Variants in OLFM3 observed in about 807,000 individuals in gnomAD.
OLFM3 encodes noelin-3.
OLFM3 carries 20 observed loss-of-function variants against 48.6 expected under a neutral mutation model. That is an observed-to-expected ratio of 0.41 (90% CI 0.29 to 0.60). The LOEUF (loss-of-function observed/expected upper bound fraction) is 0.60. OLFM3 is among the 20% of genes least tolerant of loss of function. The pLI is 0.28. For synonymous variants in OLFM3, 222 were observed against 198.1 expected, an observed-to-expected ratio of 1.12 and a Z score of -1.01; for missense variants, 437 against 544.3, an observed-to-expected ratio of 0.80 and a Z score of 1.96.
At chr1:101,868,232 G>C (rs776493785) in intron 1 of OLFM3, among the ~76,000 whole-genome samples, 6 of 152,194 alleles carry the variant, frequency 3.9e-5, no homozygotes, top group Non-Finnish European at 7.3e-5. Flanking sequence ...TTGGGTAACA[G>C]CCAGAAGTTG....
chr1:101,837,696 G>C (rs1045297486), intron 1 of OLFM3: 1 of 152,184 alleles, frequency 6.6e-6, no homozygotes, highest in African/African-American at 2.4e-5. Context: ...TGGTATTCCA[G>C]TTCTACTGTA....
rs191880992 is a variant in OLFM3 at position 101,810,459 on chromosome 1, C to G, written c.593-4277G>C. ...GGAGACTACTGCTTTTTATTCTAAG[C>G]ATACAATTTTCCAGCTACACGCATA... On this transcript the variant is annotated intron_variant, in intron 4 of 5. Coordinates refer to ENST00000370103, the MANE Select transcript of OLFM3 (RefSeq NM_058170.4). 2.4e-3 allele frequency among the ~76,000 whole-genome samples: 358 copies of G among 152,068 alleles called. 4 individuals carry two copies. The highest frequency in any genetic ancestry group is 3.8e-3 in the Non-Finnish European group (255 of 67,924).
chr1:101,811,959 G>T (rs1009871745), intron 4 of OLFM3, among the ~76,000 whole-genome samples: 4 of 152,208 alleles, frequency 2.6e-5, no homozygotes, highest in South Asian at 2.1e-4. Flanking sequence ...ATGATAGACT[G>T]GATTAAGCAA....
intron 1 of OLFM3, among the ~76,000 whole-genome samples, chr1:101,888,163 T>C (rs1235810508): frequency 6.6e-6 from 1 of 152,082 alleles, no homozygotes; most frequent in Non-Finnish European, 1.5e-5. Context: ...AAAGTTCATA[T>C]AGAACCAAAA....
At chr1:101,949,128 C>G (rs925099435) in intron 1 of OLFM3, among the ~76,000 whole-genome samples, 1 of 152,000 alleles carries the variant, frequency 6.6e-6, no homozygotes, top group Non-Finnish European at 1.5e-5. Flanking sequence ...CCAATCACAT[C>G]TGAGTTTTAC....
intron 4 of OLFM3, chr1:101,813,044 G>A (rs1274660125): frequency 1.8e-5 from 23 of 1,251,188 alleles, no homozygotes; most frequent in African/African-American, 3.1e-5. Flanking sequence ...ATACAAAGGT[G>A]AACAGGGAGG....
intron 1 of OLFM3, among the ~76,000 whole-genome samples, chr1:101,870,228 G>GA (rs545953146): frequency 1.3e-5 from 2 of 150,850 alleles, no homozygotes; most frequent in Admixed American, 6.6e-5. Flanking sequence ...CTTTGTAGCT[G>GA]AAAAAAAAAT....
intron 1 of OLFM3, among the ~76,000 whole-genome samples, chr1:101,969,574 A>G (rs1415096): frequency 0.53 from 80,396 of 152,008 alleles, 21,593 homozygotes; most frequent in East Asian, 0.73. Flanking sequence ...TTAAATAATC[A>G]ATTTTCTTCC....
chr1:101,828,066 G>GTCTCTCTGTCTCTC (rs1654968286), intron 3 of OLFM3, among the ~76,000 whole-genome samples: 1 of 141,898 alleles, frequency 7.0e-6, no homozygotes, highest in African/African-American at 2.6e-5. Context: ...CTCTCTCTCT[G>GTCTCTCTGTCTCTC]TCTCTCTCTC....
chr1:101,933,110 G>A (rs1184963412), intron 1 of OLFM3, among the ~76,000 whole-genome samples: 5 of 145,206 alleles, frequency 3.4e-5, no homozygotes, highest in African/African-American at 1.3e-4. Flanking sequence ...GCTGAGGCAG[G>A]AGAATGGCAT....
At chr1:101,991,016 A>AATATATATATATATATATATATATAT (rs1215588189) in intron 1 of OLFM3, among the ~76,000 whole-genome samples, 1 of 32,218 alleles carries the variant, frequency 3.1e-5, no homozygotes, top group Non-Finnish European at 5.2e-5. Flanking sequence ...AAAAAAAAAA[A>AATATATATATATATATATATATATAT]ATATATATAT....
chr1:101,817,274 A>C (rs946889263), intron 4 of OLFM3, among the ~76,000 whole-genome samples: 7 of 152,114 alleles, frequency 4.6e-5, no homozygotes, highest in African/African-American at 1.7e-4. Context: ...CAAAGAAGGA[A>C]GTTAGGAGTC....
chr1:101,832,280 G>C (rs939425285), intron 2 of OLFM3, among the ~76,000 whole-genome samples: 1 of 152,206 alleles, frequency 6.6e-6, no homozygotes, highest in Non-Finnish European at 1.5e-5. Flanking sequence ...TTTACAAAGG[G>C]ATGACTTGTT....
intron 4 of OLFM3, among the ~76,000 whole-genome samples, chr1:101,818,017 G>C (rs992343511): frequency 2.0e-5 from 3 of 152,056 alleles, no homozygotes; most frequent in African/African-American, 7.2e-5. Context: ...TGGCTAATGG[G>C]ATCAAGAATA....
At chr1:101,929,310 T>C (rs910346558) in intron 1 of OLFM3, among the ~76,000 whole-genome samples, 12 of 152,160 alleles carry the variant, frequency 7.9e-5, no homozygotes, top group African/African-American at 2.9e-4. Flanking sequence ...ATAGGCCAAA[T>C]GCAGAGGTAT....
At chr1:101,874,391 T>C (rs1302310779) in intron 1 of OLFM3, among the ~76,000 whole-genome samples, 1 of 151,856 alleles carries the variant, frequency 6.6e-6, no homozygotes. Context: ...ATGGAAGATC[T>C]AATATGTATC....
rs200822612 is a variant in OLFM3, at chr1:101,804,741, T to C, written c.874A>G (p.Ile292Val). 15 of 1,612,756 alleles carry C rather than the reference T, an allele frequency of 9.3e-6. No homozygotes were observed. Among genetic ancestry groups the C allele is most frequent in the East Asian group, 4.5e-5 (2 of 44,838 alleles). ...CCCATATCAAAGCTGTATTTGATGA[T>C]GATATTACTCTGATACTTGTTAAAA... Reference protein sequence around the residue: ...LYFNKYQSNIIIKYSFDMGRV... With the variant: ...LYFNKYQSNIVIKYSFDMGRV... Residue 292 changes from isoleucine to valine, a missense_variant, in exon 6 of 6, where the codon ATC becomes GTC. By Grantham distance (29) the Ile-to-Val change is conservative (BLOSUM62 3). Transcript: ENST00000370103. The surrounding 1 kb of genome is among the most constrained non-coding windows in gnomAD (Gnocchi z 4.5).
At chr1:101,949,041 T>C (rs1469862983) in intron 1 of OLFM3, among the ~76,000 whole-genome samples, 2 of 151,756 alleles carry the variant, frequency 1.3e-5, no homozygotes, top group Non-Finnish European at 2.9e-5. Flanking sequence ...AAAAAAGTTC[T>C]TCCTATGTAT....
intron 1 of OLFM3, among the ~76,000 whole-genome samples, chr1:101,885,002 T>C (rs567801664): frequency 1.3e-5 from 2 of 152,072 alleles, no homozygotes; most frequent in South Asian, 2.1e-4. Context: ...AGAACCCCAA[T>C]AGACAGAACA....
Sources: allele counts gnomAD v4.1 joint callset (sites outside exome capture counted in the v4.1 genomes callset), GRCh38; gene constraint gnomAD v4.1.1; non-coding constraint Gnocchi (gnomAD v3.1); transcripts MANE v1.5; gene names NCBI Gene and HGNC (gene_info 2026-07-23, HGNC 2026-07-21).